OSBPL10: variants seen among roughly 807,000 people sequenced by gnomAD.
The protein encoded by OSBPL10 is oxysterol binding protein like 10.
In OSBPL10, 49 loss-of-function variants were observed where a neutral mutation model predicts 81.7. The observed-to-expected ratio is 0.60, with a 90% CI of 0.48 to 0.76. OSBPL10 has a LOEUF of 0.76. Ranked by LOEUF, OSBPL10 falls within the 30% of genes least tolerant of loss-of-function variation. The probability of loss-of-function intolerance (pLI) is 0.00; values close to 1 mark genes in which losing one functional copy is unlikely to be tolerated. For synonymous variants in OSBPL10, 419 were observed against 383.6 expected, an observed-to-expected ratio of 1.09 and a Z score of -1.08; for missense variants, 923 against 987.8, an observed-to-expected ratio of 0.93 and a Z score of 0.88.
rs766956181 is a variant in OSBPL10, at chr3:31,661,258, G to A, written c.*814C>T. On this transcript the variant is annotated 3_prime_UTR_variant, in exon 12 of 12. Coordinates refer to ENST00000396556, the MANE Select transcript of OSBPL10 (RefSeq NM_017784.5). Reference sequence around the variant, plus strand: ...TGGTTGTGCATGTTTTCATGTGCATGCATGTATTTAACTTCTAAAGCCCTT... The same window carrying A: ...TGGTTGTGCATGTTTTCATGTGCATACATGTATTTAACTTCTAAAGCCCTT... 1 of 152,454 alleles carries A rather than the reference G, an allele frequency of 6.6e-6. No individual in the cohort carries two copies. The highest frequency in any genetic ancestry group is 1.5e-5 in the Non-Finnish European group (1 of 68,038). 9.4% of individuals were successfully genotyped at this position (152,454 alleles called of 1,614,324 possible).
intron 6 of OSBPL10, chr3:31,708,752 C>T (rs1005262145): frequency 4.1e-6 from 4 of 985,328 alleles, no homozygotes; most frequent in Admixed American, 1.2e-4. Flanking sequence ...GATTTCTCCT[C>T]TGGAAGAGTC....
chr3:31,978,544 G>A (rs182406430), intron 1 of OSBPL10, among the ~76,000 whole-genome samples: 41 of 152,258 alleles, frequency 2.7e-4, no homozygotes, highest in African/African-American at 7.7e-4. Flanking sequence ...CAGAGTCATC[G>A]TAATCTTCTC....
intron 1 of OSBPL10, among the ~76,000 whole-genome samples, chr3:31,915,304 T>A (rs1292410419): frequency 6.6e-6 from 1 of 152,148 alleles, no homozygotes; most frequent in Non-Finnish European, 1.5e-5. Flanking sequence ...AATTCTCTGG[T>A]GACCTTCAGG....
At chr3:31,821,496 CAGTA>C (rs1026422290) in intron 4 of OSBPL10, among the ~76,000 whole-genome samples, 28 of 152,168 alleles carry the variant, frequency 1.8e-4, no homozygotes, top group African/African-American at 6.8e-4. Context: ...TGTTCTTACA[CAGTA>C]AGTATCTAAT....
chr3:31,883,700 T>G (rs767200822), intron 1 of OSBPL10, among the ~76,000 whole-genome samples: 14 of 152,026 alleles, frequency 9.2e-5, no homozygotes, highest in Non-Finnish European at 2.1e-4. Context: ...CCCAGCTAAT[T>G]TTTGCATTTT....
intron 7 of OSBPL10, among the ~76,000 whole-genome samples, chr3:31,694,364 C>CT (rs1312930723): frequency 1.4e-5 from 1 of 73,900 alleles, no homozygotes; most frequent in Non-Finnish European, 2.3e-5. Flanking sequence ...GAGTAAGACT[C>CT]TGTCTCAAAA....
At chr3:32,017,773 C>T (rs920496728) in intron 2 of OSBPL10, among the ~76,000 whole-genome samples, 3 of 152,200 alleles carry the variant, frequency 2.0e-5, no homozygotes, top group African/African-American at 7.2e-5. Context: ...AATTAGGTCA[C>T]TTTTAATTCT....
rs201810752 is a variant in OSBPL10, at chr3:31,840,891, CTTG to C, written c.538-10663_538-10661del. 1.4e-3 allele frequency among the ~76,000 whole-genome samples: 212 copies of C among 152,178 alleles called. 1 individual carries two copies. The highest frequency in any genetic ancestry group is 4.6e-3 in the African/African-American group (192 of 41,524). On this transcript the variant is annotated intron_variant, in intron 3 of 11. Transcript: ENST00000396556. Reference sequence around the variant, plus strand: ...CTTATGCTAACACTAAGTTAGGCTTCTTGTTGTTGTTGTTGTTGTTGTTTTGTT... The same window carrying C: ...CTTATGCTAACACTAAGTTAGGCTTCTTGTTGTTGTTGTTGTTGTTTTGTT...
At chr3:31,687,752 G>A (rs1700828031) in intron 7 of OSBPL10, among the ~76,000 whole-genome samples, 1 of 152,076 alleles carries the variant, frequency 6.6e-6, no homozygotes, top group Non-Finnish European at 1.5e-5. Context: ...GGATGTCTGG[G>A]CCACCCCAGC....
At chr3:31,783,058 GTGGA>G (rs1238269273) in intron 4 of OSBPL10, among the ~76,000 whole-genome samples, 1 of 149,898 alleles carries the variant, frequency 6.7e-6, no homozygotes, top group Non-Finnish European at 1.5e-5. Flanking sequence ...CAATTAAGGA[GTGGA>G]TGAAGAAAAT....
At chr3:31,900,043 T>A (rs941159066) in intron 1 of OSBPL10, among the ~76,000 whole-genome samples, 132 of 150,634 alleles carry the variant, frequency 8.8e-4, no homozygotes, top group Non-Finnish European at 1.6e-3. Context: ...TTTTTTTTTT[T>A]AAGACAGGGT....
upstream of OSBPL10, chr3:32,077,685 C>T (rs1456790249): frequency 6.6e-6 from 1 of 152,194 alleles, no homozygotes; most frequent in South Asian, 2.1e-4. Context: ...CCCACACTAA[C>T]GGAAGAATCA....
At chr3:31,801,005 C>CT (rs35303533) in intron 4 of OSBPL10, among the ~76,000 whole-genome samples, 84,288 of 149,370 alleles carry the variant, frequency 0.56, 25,162 homozygotes, top group East Asian at 0.77. Context: ...TTTAAGTGGT[C>CT]TTTTTTTTTT....
chr3:32,023,275 G>A (rs1004484214), intron 2 of OSBPL10, among the ~76,000 whole-genome samples: 3 of 152,108 alleles, frequency 2.0e-5, no homozygotes, highest in Non-Finnish European at 2.9e-5. Context: ...CTGTATTTGT[G>A]ATAGTGAATA....
At chr3:31,671,415 T>C (rs1700320467) in intron 8 of OSBPL10, among the ~76,000 whole-genome samples, 1 of 152,002 alleles carries the variant, frequency 6.6e-6, no homozygotes, top group East Asian at 1.9e-4. Flanking sequence ...GGAAGGAGCC[T>C]GGTAAGTGTG....
chr3:32,043,206 T>G lies in OSBPL10; in HGVS notation n.298+3285A>C, dbSNP rs1699592841. Among the ~76,000 whole-genome samples the G allele has an allele frequency of 4.6e-5, 7 of 152,254 alleles. No individual in the cohort carries two copies. In the South Asian group the frequency reaches 1.5e-3, roughly 32 times the overall value. On this transcript the variant is annotated intron_variant and non_coding_transcript_variant, in intron 2 of 3. Transcript: ENST00000479173. ...TCCCCAGGGTATTAATTATTAATAT[T>G]CCTTGCTAGGAAAAGAATTTAGCGA...
At chr3:31,677,877 C>G (rs899644662) in intron 8 of OSBPL10, among the ~76,000 whole-genome samples, 1 of 148,880 alleles carries the variant, frequency 6.7e-6, no homozygotes. Flanking sequence ...GTCAGGAGAT[C>G]GAGACCATCC....
chr3:31,860,824 C>A (rs1701039227), intron 3 of OSBPL10, among the ~76,000 whole-genome samples: 1 of 151,470 alleles, frequency 6.6e-6, no homozygotes, highest in Admixed American at 6.6e-5. Context: ...TGCCCACCAC[C>A]ATGCCTGGCT....
intron 1 of OSBPL10, among the ~76,000 whole-genome samples, chr3:31,960,977 A>C (rs11916514): frequency 0.18 from 27,540 of 151,662 alleles, 2,719 homozygotes; most frequent in South Asian, 0.34. Context: ...AAAATGGTGT[A>C]AACCACCTAG....
Sources: allele counts gnomAD v4.1 joint callset (sites outside exome capture counted in the v4.1 genomes callset), GRCh38; gene constraint gnomAD v4.1.1; transcripts MANE v1.5; gene names NCBI Gene and HGNC (gene_info 2026-07-23, HGNC 2026-07-21).